The following EML6 variants were observed in gnomAD, a reference collection of about 807,000 sequenced individuals.
EML6 encodes echinoderm microtubule-associated protein-like 6.
EML6 carries 154 observed loss-of-function variants against 240.1 expected under a neutral mutation model. The ratio of observed to expected loss-of-function variants is 0.64; its 90% CI spans 0.56 to 0.73. EML6 has a LOEUF of 0.73. Ranked by LOEUF, EML6 falls within the 30% of genes least tolerant of loss-of-function variation. EML6 has a pLI of 0.00. For missense variants in EML6, 2,964 were observed against 2,474.6 expected (o/e 1.20, Z -4.20); for synonymous variants, 1,148 against 899.0 (o/e 1.28, Z -4.95).
intron 2 of EML6, among the ~76,000 whole-genome samples, chr2:54,804,846 T>C (rs6705883): frequency 0.21 from 31,579 of 152,158 alleles, 3,577 homozygotes; most frequent in Middle Eastern, 0.35. Flanking sequence ...TTATTTTCTT[T>C]AGACATGTTG....
At chr2:54,735,868 C>T (rs964683827) in intron 2 of EML6, among the ~76,000 whole-genome samples, 3 of 152,220 alleles carry the variant, frequency 2.0e-5, no homozygotes, top group Non-Finnish European at 4.4e-5. Flanking sequence ...CTAAATTTGT[C>T]TTTCCTGGCC....
In EML6 at chr2:54,850,235, C is replaced by T; in HGVS notation, c.1444+17C>T. The T allele has an allele frequency of 6.5e-7, 1 of 1,544,118 alleles. No homozygotes were observed. Among genetic ancestry groups the T allele is most frequent in the Non-Finnish European group, 8.8e-7 (1 of 1,141,432 alleles). ...GAATGCCATGTAAGTCATGTGGAGG[C>T]CTTGGATGTTTCTGGAAAGCAAAAT... On this transcript the variant is annotated intron_variant, in intron 10 of 41. Coordinates refer to ENST00000356458, the MANE Select transcript of EML6 (RefSeq NM_001039753.4).
chr2:54,791,276 A>G (rs1257719901), intron 2 of EML6, among the ~76,000 whole-genome samples: 1 of 152,180 alleles, frequency 6.6e-6, no homozygotes, highest in Non-Finnish European at 1.5e-5. Flanking sequence ...TCCTGCCGGT[A>G]TGCTCACGCA....
intron 2 of EML6, among the ~76,000 whole-genome samples, chr2:54,798,854 C>T (rs1169864882): frequency 1.3e-5 from 2 of 152,180 alleles, no homozygotes; most frequent in Non-Finnish European, 2.9e-5. Context: ...CCTTGGTCTT[C>T]ATCATAAAGA....
At chr2:54,884,752 T>C (rs553389607) in intron 17 of EML6, among the ~76,000 whole-genome samples, 1 of 152,368 alleles carries the variant, frequency 6.6e-6, no homozygotes, top group South Asian at 2.1e-4. Flanking sequence ...ATTGTATAAA[T>C]ACAAGGAAAC....
chr2:54,869,803 C>T lies in EML6; in HGVS notation c.2238+436C>T, dbSNP rs148368961. Among the ~76,000 whole-genome samples the T allele has an allele frequency of 6.3e-3, 953 of 152,072 alleles. 19 individuals carry two copies. Among genetic ancestry groups the T allele is most frequent in the Admixed American group, 0.042 (646 of 15,280 alleles). The stretch of plus-strand genomic sequence containing the variant: ...GACTTTTGACTAATTTGTATTTTAG[C>T]CTTATAAAAACACCTTGAATTTTAT... On this transcript the variant is annotated intron_variant, in intron 15 of 41. Coordinates refer to ENST00000356458, the MANE Select transcript of EML6 (RefSeq NM_001039753.4).
At chr2:54,760,356 A>C (rs965674097) in intron 2 of EML6, among the ~76,000 whole-genome samples, 1 of 152,204 alleles carries the variant, frequency 6.6e-6, no homozygotes, top group African/African-American at 2.4e-5. Flanking sequence ...AGAACATAAC[A>C]GAGTATTGCT....
intron 4 of EML6, among the ~76,000 whole-genome samples, chr2:54,819,058 G>A (rs1031333045): frequency 2.0e-5 from 3 of 152,174 alleles, no homozygotes; most frequent in African/African-American, 7.2e-5. Context: ...TGAGGTTAAG[G>A]TTAGAGATGC....
intron 2 of EML6, among the ~76,000 whole-genome samples, chr2:54,738,685 C>T (rs756938353): frequency 1.4e-4 from 21 of 152,122 alleles, no homozygotes; most frequent in Non-Finnish European, 2.1e-4. Flanking sequence ...ATGTCTAGCT[C>T]CTTTCAGTCA....
rs1351504549 is a variant in EML6, at chr2:54,895,027, G to A, written c.2854+1G>A. ...TCAGCATTGTCGACTAGCTCAAAAGGTGCCACTCCCAAACATGTAATAGAG... is the reference window on the plus strand; with the variant it reads ...TCAGCATTGTCGACTAGCTCAAAAGATGCCACTCCCAAACATGTAATAGAG... On this transcript the variant is annotated splice_donor_variant, in intron 20 of 41. Transcript: ENST00000356458. LOFTEE classifies it high-confidence loss of function. 5 of 1,542,620 alleles carry A rather than the reference G, an allele frequency of 3.2e-6. No homozygotes were observed. Among genetic ancestry groups the A allele is most frequent in the East Asian group, 2.4e-5 (1 of 40,862 alleles).
chr2:54,829,255 C>T, intron 6 of EML6, 87 bp from the exon 7 acceptor site: 1 of 1,309,712 alleles, frequency 7.6e-7, no homozygotes, highest in South Asian at 1.6e-5. Context: ...TTTTGACTTG[C>T]TATGTTTTTA....
At position 54,967,095 on chromosome 2, in the gene EML6, C is replaced by T; in HGVS notation, c.5589C>T (p.Ser1863=). The part of the protein sequence containing the change: ...AVVIEKITWA[S]WTSVLGDEVI... ...TCATTGAGAAGATCACCTGGGCCTC[C>T]TGGACAAGGTGACTGACTGGAAGAA... Residue 1863 remains serine, a synonymous_variant, in exon 39 of 42, where the codon TCC becomes TCT. Transcript: ENST00000356458. The T allele has an allele frequency of 1.3e-6, 2 of 1,549,186 alleles. No homozygotes were observed.
intron 17 of EML6, among the ~76,000 whole-genome samples, chr2:54,889,128 C>T (rs1573078083): frequency 6.6e-6 from 1 of 152,226 alleles, no homozygotes; most frequent in East Asian, 1.9e-4. Context: ...GTGTCTGTTT[C>T]AAGATTTTCT....
chr2:54,765,360 T>C (rs1299265814), intron 2 of EML6, among the ~76,000 whole-genome samples: 1 of 152,236 alleles, frequency 6.6e-6, no homozygotes, highest in Non-Finnish European at 1.5e-5. Context: ...TCTATAATTT[T>C]AGCATTTAAT....
chr2:54,865,516 A>T (rs1025764685), intron 13 of EML6, among the ~76,000 whole-genome samples: 2 of 152,190 alleles, frequency 1.3e-5, no homozygotes, highest in Non-Finnish European at 2.9e-5. Flanking sequence ...CATGCCTACG[A>T]CTTAAACAGT....
At chr2:54,842,257 C>T (rs991179870) in intron 7 of EML6, among the ~76,000 whole-genome samples, 15 of 152,110 alleles carry the variant, frequency 9.9e-5, no homozygotes, top group Non-Finnish European at 2.1e-4. Flanking sequence ...TCTCTCTGCC[C>T]CAGATTTTTA....
chr2:54,911,334 A>G (rs1043009871), intron 25 of EML6, among the ~76,000 whole-genome samples: 1 of 152,164 alleles, frequency 6.6e-6, no homozygotes, highest in East Asian at 1.9e-4. Flanking sequence ...TCCATTTGAC[A>G]TGTCATTTTG....
chr2:54,895,248 T>C (rs908760630), intron 20 of EML6, 25 bp from the exon 21 acceptor site: 3 of 1,550,880 alleles, frequency 1.9e-6, no homozygotes, highest in Non-Finnish European at 2.6e-6. Context: ...TGTTATTGTG[T>C]TAAATATACC....
At chr2:54,786,752 C>A (rs889992134) in intron 2 of EML6, among the ~76,000 whole-genome samples, 1 of 152,204 alleles carries the variant, frequency 6.6e-6, no homozygotes, top group Non-Finnish European at 1.5e-5. Context: ...AATCCAGAGG[C>A]TCTGTTAAGA....
Sources: allele counts gnomAD v4.1 joint callset (sites outside exome capture counted in the v4.1 genomes callset), GRCh38; gene constraint gnomAD v4.1.1; transcripts MANE v1.5; gene names NCBI Gene and HGNC (gene_info 2026-07-23, HGNC 2026-07-21).